The following NEB variants were observed in gnomAD, a reference collection of about 807,000 sequenced individuals.
NEB encodes the protein nebulin, also known as nemaline myopathy type 2.
Under a neutral mutation model 952.2 loss-of-function variants are expected in NEB, and 512 were observed. The ratio of observed to expected loss-of-function variants is 0.54; its 90% confidence interval spans 0.50 to 0.58. NEB has a LOEUF of 0.58. NEB is among the 20% of genes least tolerant of loss of function. The pLI, the probability that NEB is intolerant of heterozygous loss-of-function variation, is 0.00. For synonymous variants in NEB, 2,900 were observed against 3,149.8 expected (o/e 0.92, Z 2.66); for missense variants, 8,428 against 9,231.1 (o/e 0.91, Z 3.56).
rs771969348 is a variant in NEB at position 151,561,100 on chromosome 2, A to G, written c.19110T>C (p.Tyr6370=). 6.3e-6 allele frequency: 10 copies of G among 1,584,264 alleles called. No homozygotes were observed. In the Admixed American group the frequency reaches 1.7e-4, roughly 27 times the overall value. ...CCTTAATCTGATGATAATTTTCTTT[A>G]TATTTTACCTGTAGACAAGCAACAA... ...QSGINASEVK[Y]KENYHQIKDK... is the part of the protein sequence containing the mutation. Residue 6370 remains tyrosine (Y), a synonymous_variant, in exon 123 of 182, where the codon TAT becomes TAC. Transcript: ENST00000397345.
intron 172 of NEB, 45 bp downstream of exon 172, chr2:151,496,896 T>C: frequency 6.7e-7 from 1 of 1,486,916 alleles, no homozygotes; most frequent in Non-Finnish European, 9.2e-7. Flanking sequence ...CATGAAATAG[T>C]TTTTAAAATC....
chr2:151,629,498 CT>C, intron 68 of NEB, 40 bp downstream of exon 68: 2 of 1,500,412 alleles, frequency 1.3e-6, no homozygotes, highest in Non-Finnish European at 9.3e-7. Context: ...TGCCTCCCCA[CT>C]TCATCCATCC....
chr2:151,540,133 A>G (rs1465567130), intron 138 of NEB, among the ~76,000 whole-genome samples: 2 of 152,176 alleles, frequency 1.3e-5, no homozygotes, highest in Non-Finnish European at 2.9e-5. Context: ...TATTCAGGAG[A>G]GAATTGAGAA....
At chr2:151,512,091 C>T (rs1261111051) in intron 161 of NEB, among the ~76,000 whole-genome samples, 3 of 136,292 alleles carry the variant, frequency 2.2e-5, no homozygotes, top group Non-Finnish European at 3.0e-5. Context: ...AGTGCAGTGG[C>T]GTGATCTCGG....
At chr2:151,557,453 G>A (rs111627031) in intron 124 of NEB, among the ~76,000 whole-genome samples, 49,275 of 152,018 alleles carry the variant, frequency 0.32, 8,269 homozygotes, top group Admixed American at 0.42. Flanking sequence ...GGAGGAGCTG[G>A]TACCATTCCT....
At position 151,664,621 on chromosome 2, in the gene NEB, A is replaced by G. The variant is rs952393563; in HGVS notation, c.5344-13T>C. On this transcript the variant is annotated splice_polypyrimidine_tract_variant and intron_variant, in intron 43 of 181. Coordinates refer to ENST00000397345, the MANE Select transcript of NEB (RefSeq NM_001164508.2). ...CTTTGTACAGTTTCTAAACAATAAA[A>G]TAGAAAAACAACAGCATCTTGTTAT... The G allele has an allele frequency of 2.5e-6, 4 of 1,585,106 alleles. No homozygotes were observed. In the East Asian group the frequency reaches 6.8e-5, roughly 27 times the overall value.
chr2:151,556,577 AC>A (rs1216797568), intron 124 of NEB, among the ~76,000 whole-genome samples: 1 of 152,214 alleles, frequency 6.6e-6, no homozygotes, highest in Non-Finnish European at 1.5e-5. Flanking sequence ...AAGGTTTTAC[AC>A]AGACTTTAAA....
intron 1 of NEB, among the ~76,000 whole-genome samples, 166 bp downstream of exon 1, chr2:151,734,232 C>G (rs1453121571): frequency 6.6e-6 from 1 of 152,136 alleles, no homozygotes; most frequent in East Asian, 1.9e-4. Context: ...CGGTACATAG[C>G]AGATATTAGT....
chr2:151,535,548 G>C (rs2092998065), intron 142 of NEB, 143 bp downstream of exon 142: 1 of 553,676 alleles, frequency 1.8e-6, no homozygotes, highest in Non-Finnish European at 3.2e-6. Context: ...TGACATTATA[G>C]AGTCTTTTCC....
chr2:151,633,548 T>C (rs1466600084), intron 65 of NEB, 106 bp downstream of exon 65: 3 of 1,401,114 alleles, frequency 2.1e-6, no homozygotes, highest in African/African-American at 1.5e-5. Context: ...ATCTTATTCA[T>C]GGACCAATCA....
intron 54 of NEB, among the ~76,000 whole-genome samples, chr2:151,648,121 T>G (rs1247733332): frequency 6.6e-6 from 1 of 152,212 alleles, no homozygotes; most frequent in Non-Finnish European, 1.5e-5. Flanking sequence ...TCTGGGTATA[T>G]GTATGCACAC....
chr2:151,641,537 A>G (rs558313733), intron 60 of NEB, among the ~76,000 whole-genome samples: 23 of 152,178 alleles, frequency 1.5e-4, no homozygotes, highest in Admixed American at 3.9e-4. Flanking sequence ...TGCTATGTTG[A>G]CCAGGCTGGT....
In NEB at chr2:151,492,477, A is replaced by G. The variant is rs780485898; in HGVS notation, c.24783T>C (p.Ser8261=). ...CTTTGCCTTGTATTTGTTTCCGGAAACTATCAGAATAAAGAACCTGATGCA... is the reference window on the plus strand; with the variant it reads ...CTTTGCCTTGTATTTGTTTCCGGAAGCTATCAGAATAAAGAACCTGATGCA... ...ENISSVLYSD[S]FRKQIQGKAA... The change falls in exon 177 of 182, where the codon AGT becomes AGC. Residue 8261 remains serine, a synonymous_variant. Transcript: ENST00000397345. The G allele has an allele frequency of 6.2e-7, 1 of 1,613,108 alleles. No homozygotes were observed. The highest frequency in any genetic ancestry group is 2.2e-5 in the East Asian group (1 of 44,866).
intron 52 of NEB, among the ~76,000 whole-genome samples, chr2:151,653,540 T>A (rs536916296): frequency 6.6e-6 from 1 of 152,316 alleles, no homozygotes; most frequent in African/African-American, 2.4e-5. Flanking sequence ...ATTACAATTA[T>A]ATAAGTGCAA....
chr2:151,499,393 G>A lies in NEB; in HGVS notation c.24022-3C>T, dbSNP rs944708836. Reference sequence around the variant, plus strand: ...CCAACGTTTTCTTTATACAACACCTGTATGACACAAGAAAGCATCCAGAAA... The same window carrying A: ...CCAACGTTTTCTTTATACAACACCTATATGACACAAGAAAGCATCCAGAAA... On this transcript the variant is annotated splice_region_variant and splice_polypyrimidine_tract_variant and intron_variant, in intron 168 of 181. Transcript: ENST00000397345. 1 of 1,507,132 alleles carries A rather than the reference G, an allele frequency of 6.6e-7. No homozygotes were observed. Among genetic ancestry groups the A allele is most frequent in the African/African-American group, 1.4e-5 (1 of 72,122 alleles). 93.4% of individuals were successfully genotyped at this position (1,507,132 alleles called of 1,614,324 possible).
In NEB at chr2:151,665,550, A is replaced by G; in HGVS notation, c.5032-11T>C. On this transcript the variant is annotated splice_polypyrimidine_tract_variant and intron_variant, in intron 41 of 181. Coordinates refer to ENST00000397345, the MANE Select transcript of NEB (RefSeq NM_001164508.2). Reference sequence around the variant, plus strand: ...AGATTTGTACAGATTCTTTACAATGAGAAAAAAAATTTCATTTCAGAAAGA... The same window carrying G: ...AGATTTGTACAGATTCTTTACAATGGGAAAAAAAATTTCATTTCAGAAAGA... 6.4e-7 allele frequency: 1 copy of G among 1,551,364 alleles called. No homozygotes were observed. Among genetic ancestry groups the G allele is most frequent in the Non-Finnish European group, 8.7e-7 (1 of 1,145,020 alleles).
chr2:151,502,517 C>CAGTT (rs1211471067), intron 167 of NEB, among the ~76,000 whole-genome samples: 3 of 151,922 alleles, frequency 2.0e-5, no homozygotes, highest in Admixed American at 6.6e-5. Context: ...TGTGTTACAC[C>CAGTT]AGTTAGAAAC....
In NEB at chr2:151,629,618, G is replaced by A. The variant is rs768732918; in HGVS notation, c.9752C>T (p.Ala3251Val). The change falls in exon 68 of 182, where the codon GCA becomes GTA. Residue 3251 changes from alanine (A) to valine (V), a missense_variant. Ala to Val is a moderately conservative substitution (Grantham distance 64). Around this residue, in one of 11 missense-constraint regions of NEB, gnomAD observed 1,772 missense variants for 1,960.3 expected, o/e 0.90. Coordinates refer to ENST00000397345, the MANE Select transcript of NEB (RefSeq NM_001164508.2). ...TCGCAAGTCGTAGCCTTTCTTTTTT[G>A]CTTCTTCATTGGCAAGTTTGTATAG... The part of the protein sequence containing the change: ...ETLYKLANEE[A>V]KKKGYDLRSD... The A allele has an allele frequency of 1.2e-6, 2 of 1,613,566 alleles. No homozygotes were observed. The highest frequency in any genetic ancestry group is 2.2e-5 in the East Asian group (1 of 44,870).
At position 151,656,327 on chromosome 2, in the gene NEB, C is replaced by T. The variant is rs2154149018; in HGVS notation, c.6321G>A (p.Glu2107=). 3 of 1,613,630 alleles carry T rather than the reference C, an allele frequency of 1.9e-6. No individual in the cohort carries two copies. The highest frequency in any genetic ancestry group is 2.5e-6 in the Non-Finnish European group (3 of 1,179,708). ...GGGTGTGGTAGCTGGTCTTTGTGTT[C>T]TCATAGTTTTTCTTGTACTCCCGAT... is the stretch of plus-strand genomic sequence containing the variant. ...QSDREYKKNY[E]NTKTSYHTPA... The change falls in exon 49 of 182, where the codon GAG becomes GAA. Residue 2107 remains glutamate, a synonymous_variant. Coordinates refer to ENST00000397345, the MANE Select transcript of NEB (RefSeq NM_001164508.2).
Sources: gnomAD v4.1 joint callset for allele counts (sites outside exome capture counted in the v4.1 genomes callset) on GRCh38, gnomAD v4.1.1 for gene constraint, gnomAD v4.1.1 regional missense constraint, MANE v1.5 for transcripts, NCBI Gene and HGNC (gene_info 2026-07-23, HGNC 2026-07-21) for gene names.